Variants in CELF2 observed in about 807,000 individuals in gnomAD.
CELF2 encodes the protein CUGBP Elav-like family member 2, also known as CUG triplet repeat RNA-binding protein 2.
In CELF2, 8 loss-of-function variants were observed where a neutral mutation model predicts 62.6. That is an observed-to-expected ratio of 0.13 (90% CI 0.07 to 0.23). The LOEUF is 0.23. Among genes scored for constraint, CELF2 ranks in the 10% least tolerant of loss-of-function variants. The pLI is 1.00. For missense variants in CELF2, 333 were observed against 671.0 expected, an observed-to-expected ratio of 0.50 and a Z score of 5.56; for synonymous variants, 258 against 250.0, an observed-to-expected ratio of 1.03 and a Z score of -0.30.
At chr10:10,956,180 A>G (rs1487595582) in intron 2 of CELF2, among the ~76,000 whole-genome samples, 1 of 152,178 alleles carries the variant, frequency 6.6e-6, no homozygotes, top group Non-Finnish European at 1.5e-5. Flanking sequence ...AGCTTACTGA[A>G]TGTCGATACT....
intron 3 of CELF2, among the ~76,000 whole-genome samples, chr10:11,238,907 T>C (rs1347254326): frequency 2.0e-5 from 3 of 152,226 alleles, no homozygotes; most frequent in Non-Finnish European, 4.4e-5. Context: ...AATGAAAGCT[T>C]GTGTTATTAT....
the CELF2 span, among the ~76,000 whole-genome samples, chr10:10,700,698 C>A: frequency 6.6e-6 from 1 of 152,192 alleles, no homozygotes; most frequent in African/African-American, 2.4e-5. Context: ...CCTTGGCTAC[C>A]TATTCTTTGC....
chr10:10,932,819 T>G (rs1479642478), intron 2 of CELF2, among the ~76,000 whole-genome samples: 4 of 152,164 alleles, frequency 2.6e-5, no homozygotes, highest in Non-Finnish European at 5.9e-5. Flanking sequence ...ATATCCCTTC[T>G]GCAACCAGAA....
chr10:11,149,122 G>A (rs1487202548), intron 1 of CELF2, among the ~76,000 whole-genome samples: 1 of 152,100 alleles, frequency 6.6e-6, no homozygotes, highest in Non-Finnish European at 1.5e-5. Context: ...CCAGGCTGGA[G>A]TGCAGTGGTG....
chr10:11,257,630 G>A (rs771411561), intron 4 of CELF2, 108 bp from the exon 5 acceptor site: 10 of 1,301,362 alleles, frequency 7.7e-6, no homozygotes, highest in Admixed American at 2.0e-5. Flanking sequence ...CTTGGGACAC[G>A]TGCTTGGTCT....
chr10:10,922,489 A>G (rs2065014824), intron 2 of CELF2, among the ~76,000 whole-genome samples: 1 of 152,236 alleles, frequency 6.6e-6, no homozygotes, highest in African/African-American at 2.4e-5. Flanking sequence ...CTGTAATCAC[A>G]CAGATGAAAA....
At chr10:11,135,615 T>C (rs905951603) in intron 1 of CELF2, among the ~76,000 whole-genome samples, 2 of 152,246 alleles carry the variant, frequency 1.3e-5, no homozygotes, top group Non-Finnish European at 2.9e-5. Context: ...TGCCTCCTGC[T>C]CAAGAGAGGG....
At chr10:10,789,230 T>A in the CELF2 span, among the ~76,000 whole-genome samples, 1 of 152,198 alleles carries the variant, frequency 6.6e-6, no homozygotes, top group East Asian at 1.9e-4. Flanking sequence ...CTGGTAGCAA[T>A]ACAAAATACT....
chr10:11,057,441 T>C (rs1242570718), intron 1 of CELF2, among the ~76,000 whole-genome samples: 2 of 152,142 alleles, frequency 1.3e-5, no homozygotes, highest in African/African-American at 4.8e-5. Context: ...TATTAATCTA[T>C]AGAGAAAACA....
chr10:10,648,830 AT>A, the CELF2 span, among the ~76,000 whole-genome samples: 1 of 152,222 alleles, frequency 6.6e-6, no homozygotes, highest in Admixed American at 6.5e-5. Context: ...CTTATTGGAA[AT>A]TTGATCTTCT....
In CELF2 at chr10:10,993,521, A is replaced by C. The variant is rs949229789; in HGVS notation, c.89+73522A>C. Among the ~76,000 whole-genome samples, 1 of 152,208 alleles carries C rather than the reference A, an allele frequency of 6.6e-6. No individual in the cohort carries two copies. Among genetic ancestry groups the C allele is most frequent in the Non-Finnish European group, 1.5e-5 (1 of 68,034 alleles). On this transcript the variant is annotated intron_variant, in intron 2 of 13. Coordinates refer to the CELF2 transcript ENST00000636488. The surrounding 1 kb of genome is among the most constrained non-coding windows in gnomAD (Gnocchi z 5.3). The stretch of plus-strand genomic sequence containing the variant: ...GAAGATCCTGGTATAGAAGTCTAAC[A>C]GCCTAAGCCACTGGGAACACACTTG...
intron 1 of CELF2, among the ~76,000 whole-genome samples, chr10:11,155,156 A>G (rs2064074216): frequency 6.6e-6 from 1 of 152,214 alleles, no homozygotes. Context: ...TTTTGAAGGA[A>G]TGCTTCTTAC....
chr10:11,064,539 A>G (rs1003607961), intron 1 of CELF2, among the ~76,000 whole-genome samples: 3 of 152,242 alleles, frequency 2.0e-5, no homozygotes, highest in East Asian at 1.9e-4. Flanking sequence ...AGCAAGTGGT[A>G]TCAGTTAAAC....
the CELF2 span, among the ~76,000 whole-genome samples, chr10:10,705,134 T>C: frequency 4.6e-5 from 7 of 152,186 alleles, no homozygotes; most frequent in Admixed American, 6.5e-5. Flanking sequence ...TGCAGTGAGC[T>C]GTGATCGTGC....
chr10:10,490,164 T>C, the CELF2 span, among the ~76,000 whole-genome samples: 1 of 152,164 alleles, frequency 6.6e-6, no homozygotes, highest in African/African-American at 2.4e-5. Context: ...CAGAACTCTT[T>C]AGGCTTGCCT....
the CELF2 span, among the ~76,000 whole-genome samples, chr10:10,560,859 AT>A: frequency 5.3e-5 from 8 of 152,176 alleles, no homozygotes; most frequent in African/African-American, 1.7e-4. Flanking sequence ...AATTAACAGC[AT>A]TTTCAGTGAC....
chr10:11,174,115 T>G (rs1341683124), intron 2 of CELF2, among the ~76,000 whole-genome samples: 1 of 152,148 alleles, frequency 6.6e-6, no homozygotes, highest in Non-Finnish European at 1.5e-5. Context: ...AGAATCAAGG[T>G]CTTCAAATAT....
intron 1 of CELF2, among the ~76,000 whole-genome samples, chr10:10,903,478 C>T (rs1158615603): frequency 2.0e-5 from 3 of 152,064 alleles, no homozygotes; most frequent in African/African-American, 7.2e-5. Context: ...ATGTATGAAA[C>T]AGATAAAGAA....
chr10:10,592,814 G>A, the CELF2 span, among the ~76,000 whole-genome samples: 3 of 152,038 alleles, frequency 2.0e-5, no homozygotes, highest in Admixed American at 6.6e-5. Flanking sequence ...GGGGCGTTGC[G>A]GTGTCCTCAA....
Sources: gnomAD v4.1 joint callset for allele counts (sites outside exome capture counted in the v4.1 genomes callset) on GRCh38, gnomAD v4.1.1 for gene constraint, Gnocchi (gnomAD v3.1) non-coding constraint, MANE v1.5 for transcripts, NCBI Gene and HGNC (gene_info 2026-07-23, HGNC 2026-07-21) for gene names.